Variants in SMARCA2 observed in about 807,000 individuals in gnomAD.
The protein encoded by SMARCA2 is SWI/SNF related BAF chromatin remodeling complex subunit ATPase 2, also known as SWI/SNF-related matrix-associated actin-dependent regulator of chromatin subfamily A member 2.
In SMARCA2, 61 loss-of-function variants were observed where a neutral mutation model predicts 199.8. That is an observed-to-expected ratio of 0.31 (90% CI 0.25 to 0.38). The LOEUF is 0.38. SMARCA2 is among the 10% of genes least tolerant of loss of function. The pLI is 1.00. For synonymous variants in SMARCA2, 935 were observed against 732.0 expected (o/e 1.28, Z -4.48); for missense variants, 1,344 against 2,012.2 (o/e 0.67, Z 6.35).
At chr9:2,141,453 G>C (rs1195770168) in intron 27 of SMARCA2, among the ~76,000 whole-genome samples, 1 of 152,144 alleles carries the variant, frequency 6.6e-6, no homozygotes, top group Non-Finnish European at 1.5e-5. Context: ...ATGCAAGTCT[G>C]TGCATAATGT....
chr9:2,185,179 CTCA>C (rs1427812738), intron 31 of SMARCA2, among the ~76,000 whole-genome samples: 6 of 152,130 alleles, frequency 3.9e-5, no homozygotes, highest in Non-Finnish European at 8.8e-5. Context: ...ACAACTAACT[CTCA>C]TCTCCTTCCC....
intron 27 of SMARCA2, among the ~76,000 whole-genome samples, chr9:2,155,720 CT>C (rs59156319): frequency 1.9e-5 from 1 of 53,150 alleles, no homozygotes; most frequent in African/African-American, 6.5e-5. Flanking sequence ...AAGAGAAAAC[CT>C]TTTTTTTTTT....
rs1329503594 is a variant in SMARCA2, at chr9:2,154,844, AC to A, written c.3982-6840del. On this transcript the variant is annotated intron_variant, in intron 27 of 33. Coordinates refer to ENST00000349721, the MANE Select transcript of SMARCA2 (RefSeq NM_003070.5). Reference sequence around the variant, plus strand: ...GCATTTCATTTTTAATATACTGAGAACCTCGAAGTACAGAAGTGGCCCAGGC... The same window carrying A: ...GCATTTCATTTTTAATATACTGAGAACTCGAAGTACAGAAGTGGCCCAGGC... Among the ~76,000 whole-genome samples, 5 of 152,288 alleles carry A rather than the reference AC, an allele frequency of 3.3e-5. No homozygotes were observed. The East Asian group carries it at 7.7e-4, about 24-fold the overall frequency.
rs1586746659 is a variant in SMARCA2, at chr9:2,140,854, G to T, written c.3981+16917G>T. 7.2e-5 allele frequency among the ~76,000 whole-genome samples: 11 copies of T among 152,200 alleles called. 2 individuals carry two copies. ...CCTGCCCGTTAGTGGTAATGTGCATGTCTTTCCATTTGGTTGAGGACACCT... is the reference window on the plus strand; with the variant it reads ...CCTGCCCGTTAGTGGTAATGTGCATTTCTTTCCATTTGGTTGAGGACACCT... On this transcript the variant is annotated intron_variant, in intron 27 of 33. Coordinates refer to ENST00000349721, the MANE Select transcript of SMARCA2 (RefSeq NM_003070.5).
chr9:2,090,640 C>T (rs1239365718), intron 19 of SMARCA2, among the ~76,000 whole-genome samples: 1 of 152,140 alleles, frequency 6.6e-6, no homozygotes, highest in African/African-American at 2.4e-5. Flanking sequence ...CTACCATATT[C>T]CTTATTTTCC....
At chr9:2,068,389 C>A (rs1472010899) in intron 9 of SMARCA2, among the ~76,000 whole-genome samples, 1 of 151,876 alleles carries the variant, frequency 6.6e-6, no homozygotes, top group Non-Finnish European at 1.5e-5. Context: ...TTTTTTTATG[C>A]CTTGTGCTTT....
intron 10 of SMARCA2, 55 bp downstream of exon 10, chr9:2,070,526 C>T (rs1045659351): frequency 2.3e-6 from 3 of 1,280,252 alleles, no homozygotes; most frequent in African/African-American, 2.9e-5. Context: ...CTGTGCCATA[C>T]CTGGCAGCAC....
Position 2,017,674 on chromosome 9 carries a change from GGGGCCGGGCCGCGGGCTGTGGCGC to G in SMARCA2, c.-37+2276_-37+2299del, listed in dbSNP as rs1391691807. The G allele has an allele frequency of 6.6e-6, 1 of 152,294 alleles. No individual in the cohort carries two copies. Among genetic ancestry groups the G allele is most frequent in the South Asian group, 2.1e-4 (1 of 4,830 alleles). 9.4% of individuals were successfully genotyped at this position (152,294 alleles called of 1,614,324 possible). A position where few individuals can be genotyped will look rare whatever the true frequency, so the allele number is the denominator to read the frequency against. On this transcript the variant is annotated intron_variant, in intron 1 of 33. Transcript: ENST00000349721. This position sits in a 1 kb window ranked among gnomAD's most constrained non-coding sequence, Gnocchi z 8.8. ...CGCGAGGGAGGAAGCGGCAGCGGCG[GGGGCCGGGCCGCGGGCTGTGGCGC>G]GGGCCTAGAGCCGCGGCTCGGAGAC...
At position 2,039,402 on chromosome 9, in the gene SMARCA2, A is replaced by G; in HGVS notation, c.356-64A>G. On this transcript the variant is annotated intron_variant, in intron 3 of 33. Coordinates refer to ENST00000349721, the MANE Select transcript of SMARCA2 (RefSeq NM_003070.5). The surrounding 1 kb of genome is among the most constrained non-coding windows in gnomAD (Gnocchi z 4.8). ...GCTGTGGACAATTATTAGAGTATTC[A>G]GGGATATCTCTCTTTCAGGGTTGTC... 6.8e-7 allele frequency: 1 copy of G among 1,468,630 alleles called. No individual in the cohort carries two copies. The highest frequency in any genetic ancestry group is 2.3e-5 in the East Asian group (1 of 43,970). 91.0% of individuals were successfully genotyped at this position (1,468,630 alleles called of 1,614,324 possible).
At chr9:2,019,946 A>T (rs748851007) in intron 1 of SMARCA2, among the ~76,000 whole-genome samples, 1 of 152,120 alleles carries the variant, frequency 6.6e-6, no homozygotes, top group African/African-American at 2.4e-5. Context: ...ACATGGTGCC[A>T]TGAGGACAAC....
Position 2,150,052 on chromosome 9 carries a change from A to G in SMARCA2, c.3982-11634A>G, listed in dbSNP as rs113192932. On this transcript the variant is annotated intron_variant, in intron 27 of 33. Coordinates refer to ENST00000349721, the MANE Select transcript of SMARCA2 (RefSeq NM_003070.5). ...TGTGTATTTATGTATGTGTACATAC[A>G]TGTATGTGAGTACATGCGTCTGTAT... 4.0e-4 allele frequency among the ~76,000 whole-genome samples: 61 copies of G among 151,726 alleles called. 1 individual carries two copies. In the South Asian group the frequency reaches 0.012, roughly 31 times the overall value.
chr9:2,159,308 C>T, intron 27 of SMARCA2: 1 of 314,784 alleles, frequency 3.2e-6, no homozygotes, highest in South Asian at 7.3e-5. Context: ...TCTGAATTTT[C>T]TTTAAAGAGC....
intron 2 of SMARCA2, chr9:2,032,420 C>T (rs1014501719): frequency 6.6e-6 from 1 of 152,590 alleles, no homozygotes; most frequent in African/African-American, 2.4e-5. Flanking sequence ...CACACACTTT[C>T]CTTTTCAGTA....
intron 31 of SMARCA2, among the ~76,000 whole-genome samples, chr9:2,183,944 C>G (rs1421222275): frequency 3.9e-5 from 6 of 152,170 alleles, no homozygotes; most frequent in African/African-American, 1.4e-4. Context: ...TGTTTTCACT[C>G]TGACTGTCTC....
intron 5 of SMARCA2, among the ~76,000 whole-genome samples, chr9:2,054,324 C>G (rs1009712163): frequency 6.6e-6 from 1 of 152,208 alleles, no homozygotes; most frequent in African/African-American, 2.4e-5. Context: ...GACTTCCCCA[C>G]TAGATGCAGG....
At chr9:2,172,041 G>GT (rs1165204663) in intron 29 of SMARCA2, among the ~76,000 whole-genome samples, 1 of 152,180 alleles carries the variant, frequency 6.6e-6, no homozygotes, top group Non-Finnish European at 1.5e-5. Context: ...TGGGCTTGGT[G>GT]TTTGCTTCCT....
At chr9:2,068,318 A>G in intron 9 of SMARCA2, among the ~76,000 whole-genome samples, 1 of 152,206 alleles carries the variant, frequency 6.6e-6, no homozygotes, top group East Asian at 1.9e-4. Flanking sequence ...AAATTTAATT[A>G]CTTGGAAAAT....
At chr9:2,144,860 A>G (rs111407745) in intron 27 of SMARCA2, among the ~76,000 whole-genome samples, 1 of 152,190 alleles carries the variant, frequency 6.6e-6, no homozygotes, top group African/African-American at 2.4e-5. Context: ...GCTGCTGAGG[A>G]CATCCAGACT....
chr9:2,091,054 T>TA (rs1822033125), intron 19 of SMARCA2, among the ~76,000 whole-genome samples: 1 of 151,928 alleles, frequency 6.6e-6, no homozygotes, highest in Non-Finnish European at 1.5e-5. Flanking sequence ...CAAATGTTTT[T>TA]ATGAAAAAAG....
Sources: allele counts gnomAD v4.1 joint callset (sites outside exome capture counted in the v4.1 genomes callset), GRCh38; gene constraint gnomAD v4.1.1; non-coding constraint Gnocchi (gnomAD v3.1); transcripts MANE v1.5; gene names NCBI Gene and HGNC (gene_info 2026-07-23, HGNC 2026-07-21).